The following POFUT2 variants were observed in gnomAD, a reference collection of about 807,000 sequenced individuals.
POFUT2 encodes the protein GDP-fucose protein O-fucosyltransferase 2.
A neutral mutation model predicts 55.0 loss-of-function variants in POFUT2; 30 were observed. That is an observed-to-expected ratio of 0.55 (90% CI 0.41 to 0.74). The LOEUF (loss-of-function observed/expected upper bound fraction) is 0.74, where lower values mean the gene tolerates loss of function less well. Ranked by LOEUF, POFUT2 falls within the 30% of genes least tolerant of loss-of-function variation. The pLI is 0.00. For missense variants in POFUT2, 524 were observed against 562.6 expected (o/e 0.93, Z 0.69); for synonymous variants, 267 against 231.1 (o/e 1.16, Z -1.41).
At position 45,283,392 on chromosome 21, in the gene POFUT2, T is replaced by C. The variant is rs141547596; in HGVS notation, c.518A>G (p.Glu173Gly). 10 of 1,599,920 alleles carry C rather than the reference T, an allele frequency of 6.3e-6. No homozygotes were observed. The East Asian group carries it at 1.1e-4, about 18-fold the overall frequency. Residue 173 changes from glutamate to glycine, a missense_variant, in exon 3 of 9, where the codon GAG becomes GGG. Physicochemically the swap from Glu to Gly is moderately conservative, Grantham distance 98. Coordinates refer to ENST00000349485, the MANE Select transcript of POFUT2 (RefSeq NM_133635.6). ...CAGCCTCAGCAGGCACCTGTAGTAC[T>C]CGTGCTTGTCCTGGGAGTACAGGAG... ...DQLLYSQDKH[E>G]YYRGWFWGYE... is the part of the protein sequence containing the mutation.
chr21:45,284,168 C>G lies in POFUT2; in HGVS notation c.383-641G>C, dbSNP rs754333171. On this transcript the variant is annotated intron_variant, in intron 2 of 8. Coordinates refer to ENST00000349485, the MANE Select transcript of POFUT2 (RefSeq NM_133635.6). This position sits in a 1 kb window ranked among gnomAD's most constrained non-coding sequence, Gnocchi z 5.8. ...GGGGCAGGAACAAAGCGGGAGGGAGCACCGCGCAGGTGAAATTCTGGGGCA... is the reference window on the plus strand; with the variant it reads ...GGGGCAGGAACAAAGCGGGAGGGAGGACCGCGCAGGTGAAATTCTGGGGCA... 4.6e-5 allele frequency among the ~76,000 whole-genome samples: 7 copies of G among 151,884 alleles called. No homozygotes were observed. Among genetic ancestry groups the G allele is most frequent in the Non-Finnish European group, 7.4e-5 (5 of 67,952 alleles).
intron 6 of POFUT2, among the ~76,000 whole-genome samples, chr21:45,271,656 C>G (rs1569220554): frequency 1.3e-5 from 2 of 152,174 alleles, no homozygotes; most frequent in African/African-American, 4.8e-5. Context: ...GCCAAAAGCA[C>G]CAGGTAACCT....
chr21:45,286,797 GCAGCGCC>G (rs1409790260), intron 1 of POFUT2, among the ~76,000 whole-genome samples: 1 of 152,052 alleles, frequency 6.6e-6, no homozygotes, highest in African/African-American at 2.4e-5. Context: ...GAAGCTGCGT[GCAGCGCC>G]CAGGCCTGCG....
rs1181955389 is a variant in POFUT2 at position 45,264,274 on chromosome 21, A to G, written c.*1208T>C. The G allele has an allele frequency of 6.6e-6, 1 of 152,238 alleles. No homozygotes were observed. Among genetic ancestry groups the G allele is most frequent in the Non-Finnish European group, 1.5e-5 (1 of 68,060 alleles). The allele number at this position is 152,238 out of a possible 1,614,324, so 9.4% of individuals were successfully genotyped here. On this transcript the variant is annotated 3_prime_UTR_variant, in exon 9 of 9. Coordinates refer to ENST00000349485, the MANE Select transcript of POFUT2 (RefSeq NM_133635.6). ...CACTGTTCCTCTAGCAGATGTGGAA[A>G]GTGGCTGCTCAGTGAGGACTCAGCC...
chr21:45,267,577 C>G lies in POFUT2; in HGVS notation c.1136+13G>C, dbSNP rs774962183. Reference sequence around the variant, plus strand: ...CCGACCCGCTCTCGGCCGACAGTGACGTGGGCAGGCACCTGGCGTGTGCGC... The same window carrying G: ...CCGACCCGCTCTCGGCCGACAGTGAGGTGGGCAGGCACCTGGCGTGTGCGC... On this transcript the variant is annotated intron_variant, in intron 8 of 8. Transcript: ENST00000349485. This position sits in a 1 kb window ranked among gnomAD's most constrained non-coding sequence, Gnocchi z 4.4. 1.2e-6 allele frequency: 2 copies of G among 1,614,014 alleles called. No individual in the cohort carries two copies. Among genetic ancestry groups the G allele is most frequent in the African/African-American group, 2.7e-5 (2 of 74,930 alleles).
At chr21:45,268,278 C>G (rs2093176406) in intron 7 of POFUT2, among the ~76,000 whole-genome samples, 1 of 152,272 alleles carries the variant, frequency 6.6e-6, no homozygotes, top group Non-Finnish European at 1.5e-5. Flanking sequence ...GTCTCGTTCA[C>G]TCAGTGCTCG....
rs1033115335 is a variant in POFUT2, at chr21:45,282,610, A to G, written c.528-151T>C. On this transcript the variant is annotated intron_variant, in intron 3 of 8. Coordinates refer to ENST00000349485, the MANE Select transcript of POFUT2 (RefSeq NM_133635.6). This position sits in a 1 kb window ranked among gnomAD's most constrained non-coding sequence, Gnocchi z 4.6. ...ACTGATCGTGACTGCAGATCGTGAC[A>G]TTCTAGTAAAATTTTAAAAGAAGCC... 1.5e-6 allele frequency: 1 copy of G among 672,562 alleles called. No homozygotes were observed. Among genetic ancestry groups the G allele is most frequent in the Non-Finnish European group, 2.7e-6 (1 of 372,194 alleles). The allele number at this position is 672,562 out of a possible 1,614,324, so 41.7% of individuals were successfully genotyped here. A position where few individuals can be genotyped will look rare whatever the true frequency, so the allele number is the denominator to read the frequency against.
Position 45,267,748 on chromosome 21 carries a change from A to C in POFUT2, c.1013-35T>G. On this transcript the variant is annotated intron_variant, in intron 7 of 8. Transcript: ENST00000349485. This position sits in a 1 kb window ranked among gnomAD's most constrained non-coding sequence, Gnocchi z 4.4. ...AGAAGGAGAGACCCTTTGAACCGGG[A>C]TCCTCCAGTAAGGACAGATACGTGA... 1.9e-6 allele frequency: 3 copies of C among 1,590,324 alleles called. No homozygotes were observed. The highest frequency in any genetic ancestry group is 2.6e-6 in the Non-Finnish European group (3 of 1,159,670).
At position 45,282,365 on chromosome 21, in the gene POFUT2, T is replaced by C; in HGVS notation, c.622A>G (p.Arg208Gly). The C allele has an allele frequency of 6.2e-7, 1 of 1,612,134 alleles. No individual in the cohort carries two copies. The highest frequency in any genetic ancestry group is 8.5e-7 in the Non-Finnish European group (1 of 1,178,696). The change falls in exon 4 of 9, where the codon AGA becomes GGA. Residue 208 changes from arginine to glycine, a missense_variant. This residue lies in a region of POFUT2 where 250 missense variants were observed against 318.2 expected (regional missense o/e 0.79). Coordinates refer to ENST00000349485, the MANE Select transcript of POFUT2 (RefSeq NM_133635.6). This position sits in a 1 kb window ranked among gnomAD's most constrained non-coding sequence, Gnocchi z 4.6. ...GGCACTCACCGGGCTGATGTGTTTC[T>C]CAGCAGCAGGGGCGCCACGATGGAG... Reference protein sequence around the residue: ...SASIVAPLLLRNTSARSVMLD... With the variant: ...SASIVAPLLLGNTSARSVMLD...
Position 45,283,810 on chromosome 21 carries a change from G to A in POFUT2, c.383-283C>T, listed in dbSNP as rs529794856. On this transcript the variant is annotated intron_variant, in intron 2 of 8. Coordinates refer to ENST00000349485, the MANE Select transcript of POFUT2 (RefSeq NM_133635.6). ...GCAGGCCCCATCCTCACAGGGGCCC[G>A]TGTGAGCCCATCCGGCCCTCACGCC... Among the ~76,000 whole-genome samples the A allele has an allele frequency of 2.0e-5, 3 of 152,240 alleles. No homozygotes were observed. In the South Asian group the frequency reaches 6.2e-4, roughly 32 times the overall value.
chr21:45,286,033 A>G (rs956003162), intron 1 of POFUT2, 105 bp from the exon 2 acceptor site: 1 of 985,630 alleles, frequency 1.0e-6, no homozygotes. Flanking sequence ...TAGGCACTTA[A>G]CAATGGTTCC....
At chr21:45,271,599 C>T (rs1246364215) in intron 6 of POFUT2, among the ~76,000 whole-genome samples, 1 of 152,214 alleles carries the variant, frequency 6.6e-6, no homozygotes, top group Non-Finnish European at 1.5e-5. Flanking sequence ...ACACAGTCAT[C>T]AGGTTATCTA....
chr21:45,277,612 G>A lies in POFUT2; in HGVS notation c.706-470C>T, dbSNP rs531986083. ...TACAAGCTGCTGCCCTGGTGAACAC[G>A]TCAGCAGGCCTGCTGTGTCCACGGG... On this transcript the variant is annotated intron_variant, in intron 5 of 8. Transcript: ENST00000349485. This position sits in a 1 kb window ranked among gnomAD's most constrained non-coding sequence, Gnocchi z 6.9. 166 of 219,010 alleles carry A rather than the reference G, an allele frequency of 7.6e-4. 3 individuals are homozygous for A. In the South Asian group the frequency reaches 0.01, roughly 14 times the overall value. 13.6% of individuals were successfully genotyped at this position (219,010 alleles called of 1,614,324 possible).
rs2093168800 is a variant in POFUT2 at position 45,267,630 on chromosome 21, C to T, written c.1096G>A (p.Gly366Ser). The stretch of plus-strand genomic sequence containing the variant: ...ATCCACTGGTCAATAATCGCAACGC[C>T]TCCGTCCTTGTAGAGCTCCAGCTCC... ...WEELELYKDG[G>S]VAIIDQWICA... The change falls in exon 8 of 9, where the codon GGC (glycine) becomes AGC (serine). Residue 366 changes from glycine (G) to serine (S), a missense_variant. By Grantham distance (56) the Gly-to-Ser change is moderately conservative. This residue lies in a region of POFUT2 where 250 missense variants were observed against 318.2 expected (regional missense o/e 0.79). Coordinates refer to ENST00000349485, the MANE Select transcript of POFUT2 (RefSeq NM_133635.6). This position sits in a 1 kb window ranked among gnomAD's most constrained non-coding sequence, Gnocchi z 4.4. 1.2e-6 allele frequency: 2 copies of T among 1,614,120 alleles called. No homozygotes were observed. The highest frequency in any genetic ancestry group is 1.7e-6 in the Non-Finnish European group (2 of 1,180,058).
chr21:45,272,958 C>G (rs1051956344), intron 6 of POFUT2, among the ~76,000 whole-genome samples: 1 of 152,050 alleles, frequency 6.6e-6, no homozygotes, highest in African/African-American at 2.4e-5. Context: ...TGAAAGAGCA[C>G]AGACAATCTA....
At chr21:45,272,518 G>C (rs2093227925) in intron 6 of POFUT2, among the ~76,000 whole-genome samples, 1 of 152,108 alleles carries the variant, frequency 6.6e-6, no homozygotes, top group Admixed American at 6.5e-5. Flanking sequence ...AGCCAACAAA[G>C]AAACAATAGA....
chr21:45,286,797 G>A (rs2031459041), intron 1 of POFUT2, among the ~76,000 whole-genome samples: 1 of 152,052 alleles, frequency 6.6e-6, no homozygotes, highest in Non-Finnish European at 1.5e-5. Flanking sequence ...GAAGCTGCGT[G>A]CAGCGCCCAG....
Position 45,267,695 on chromosome 21 carries a change from T to A in POFUT2, c.1031A>T (p.Lys344Met), listed in dbSNP as rs377104397. Residue 344 changes from lysine to methionine, a missense_variant, in exon 8 of 9, where the codon AAG becomes ATG. Lys to Met is a moderately conservative substitution (Grantham distance 95, BLOSUM62 -1). Around this residue, in one of 2 missense-constraint regions of POFUT2, gnomAD observed 250 missense variants for 318.2 expected, o/e 0.79. Coordinates refer to ENST00000349485, the MANE Select transcript of POFUT2 (RefSeq NM_133635.6). The surrounding 1 kb of genome is among the most constrained non-coding windows in gnomAD (Gnocchi z 4.4). ...AVRKEYEELK[K>M]LLPEMVRFEP... The stretch of plus-strand genomic sequence containing the variant: ...AAACCTCACCATCTCGGGTAACAGC[T>A]TTTTTAGCTCTTCATATTCTGCAAA... 4 of 1,613,914 alleles carry A rather than the reference T, an allele frequency of 2.5e-6. No homozygotes were observed. The highest frequency in any genetic ancestry group is 3.4e-6 in the Non-Finnish European group (4 of 1,179,942).
chr21:45,287,271 T>G, intron 1 of POFUT2, among the ~76,000 whole-genome samples: 1 of 66,334 alleles, frequency 1.5e-5, no homozygotes, highest in South Asian at 8.1e-4. Context: ...CCCGCCCCCA[T>G]CCCATCCCTC....
Sources: allele counts gnomAD v4.1 joint callset (sites outside exome capture counted in the v4.1 genomes callset), GRCh38; gene constraint gnomAD v4.1.1; regional missense constraint gnomAD v4.1.1; non-coding constraint Gnocchi (gnomAD v3.1); transcripts MANE v1.5; gene names NCBI Gene and HGNC (gene_info 2026-07-23, HGNC 2026-07-21).